ATRN: variants seen among roughly 807,000 people sequenced by gnomAD.
The protein encoded by ATRN is attractin-2.
In ATRN, 54 loss-of-function variants were observed where a neutral mutation model predicts 178.7. The observed-to-expected ratio is 0.30, with a 90% CI of 0.24 to 0.38. The LOEUF is 0.38. ATRN is among the 10% of genes least tolerant of loss of function. The pLI, the probability that ATRN is intolerant of heterozygous loss-of-function variation, is 1.00. For missense variants in ATRN, 1,443 were observed against 1,815.1 expected (o/e 0.79, Z 3.73); for synonymous variants, 636 against 663.0 (o/e 0.96, Z 0.63).
At chr20:3,527,890 G>A (rs1234341548) in intron 1 of ATRN, among the ~76,000 whole-genome samples, 1 of 151,590 alleles carries the variant, frequency 6.6e-6, no homozygotes, top group African/African-American at 2.4e-5. Flanking sequence ...AACACAGGGA[G>A]GGGAACATCG....
At chr20:3,567,142 A>G (rs1418342056) in intron 11 of ATRN, among the ~76,000 whole-genome samples, 2 of 152,178 alleles carry the variant, frequency 1.3e-5, no homozygotes, top group Non-Finnish European at 2.9e-5. Flanking sequence ...TATAAATCAT[A>G]ATCTTGAACT....
chr20:3,509,783 T>C (rs1404173192), intron 1 of ATRN, among the ~76,000 whole-genome samples: 2 of 152,142 alleles, frequency 1.3e-5, no homozygotes, highest in Non-Finnish European at 2.9e-5. Flanking sequence ...AGATTACAGG[T>C]GTGAGCCACC....
At chr20:3,604,059 GC>G (rs762178052) in intron 23 of ATRN, 45 bp from the exon 24 acceptor site, 10 of 1,512,782 alleles carry the variant, frequency 6.6e-6, no homozygotes, top group Non-Finnish European at 8.8e-6. Flanking sequence ...TCTCCCCCTA[GC>G]CCCCCAAAAA....
chr20:3,493,923 GTTACATGAA>G (rs1316487387), intron 1 of ATRN, among the ~76,000 whole-genome samples: 1 of 152,166 alleles, frequency 6.6e-6, no homozygotes, highest in African/African-American at 2.4e-5. Flanking sequence ...GGCAACAAAT[GTTACATGAA>G]TATCTATGAT....
At chr20:3,591,821 T>C (rs767834638) in intron 19 of ATRN, among the ~76,000 whole-genome samples, 5 of 152,180 alleles carry the variant, frequency 3.3e-5, no homozygotes, top group Non-Finnish European at 7.3e-5. Flanking sequence ...TCAGGAGGCC[T>C]TGGTGCCTGA....
At chr20:3,479,224 A>G (rs1441803444) in intron 1 of ATRN, among the ~76,000 whole-genome samples, 1 of 152,154 alleles carries the variant, frequency 6.6e-6, no homozygotes, top group African/African-American at 2.4e-5. Flanking sequence ...GTCATCTGCT[A>G]ATTCACTTCA....
At chr20:3,579,235 C>T (rs1479446941) in intron 15 of ATRN, among the ~76,000 whole-genome samples, 3 of 152,152 alleles carry the variant, frequency 2.0e-5, no homozygotes, top group African/African-American at 4.8e-5. Flanking sequence ...CCTGTAATCC[C>T]AGCACTTTGG....
In ATRN at chr20:3,632,333, G is replaced by A. The variant is rs766953116; in HGVS notation, c.3864-1978G>A. Among the ~76,000 whole-genome samples, 4 of 152,054 alleles carry A rather than the reference G, an allele frequency of 2.6e-5. No individual in the cohort carries two copies. The highest frequency in any genetic ancestry group is 5.9e-5 in the Non-Finnish European group (4 of 68,026). On this transcript the variant is annotated intron_variant, in intron 25 of 28. Transcript: ENST00000262919. This position sits in a 1 kb window ranked among gnomAD's most constrained non-coding sequence, Gnocchi z 4.2. Reference sequence around the variant, plus strand: ...ATCACAACACTCTGTTTAAAAACCTGCACTGGCTCTTTCCCAATGCCCTCA... The same window carrying A: ...ATCACAACACTCTGTTTAAAAACCTACACTGGCTCTTTCCCAATGCCCTCA...
chr20:3,626,848 T>C (rs886579109), intron 25 of ATRN, among the ~76,000 whole-genome samples: 1 of 149,494 alleles, frequency 6.7e-6, no homozygotes, highest in African/African-American at 2.5e-5. Flanking sequence ...AGTGTTGTGA[T>C]CTTGGCTCAC....
intron 1 of ATRN, among the ~76,000 whole-genome samples, chr20:3,471,882 T>G (rs2084432438): frequency 6.6e-6 from 1 of 152,194 alleles, no homozygotes; most frequent in Non-Finnish European, 1.5e-5. Flanking sequence ...CAGGTTTGCT[T>G]GAACACTTCC....
At chr20:3,604,066 A>C (rs752952552) in intron 23 of ATRN, 39 bp from the exon 24 acceptor site, 20 of 1,534,412 alleles carry the variant, frequency 1.3e-5, no homozygotes, top group East Asian at 1.1e-4. Context: ...CTAGCCCCCC[A>C]AAAAATGTCT....
chr20:3,555,193 C>A (rs1032047015), intron 6 of ATRN, among the ~76,000 whole-genome samples: 1 of 151,238 alleles, frequency 6.6e-6, no homozygotes, highest in Non-Finnish European at 1.5e-5. Flanking sequence ...TTAGTAGAGA[C>A]GGGGTTTCAC....
At chr20:3,513,913 A>G (rs1435343128) in intron 1 of ATRN, among the ~76,000 whole-genome samples, 4 of 152,186 alleles carry the variant, frequency 2.6e-5, no homozygotes, top group Non-Finnish European at 5.9e-5. Flanking sequence ...TTGGTGTATA[A>G]GAATGCTTGT....
intron 1 of ATRN, among the ~76,000 whole-genome samples, chr20:3,528,507 A>G (rs527335426): frequency 1.3e-5 from 2 of 152,166 alleles, no homozygotes; most frequent in African/African-American, 4.8e-5. Context: ...ACCAAATACC[A>G]CATACTCTCA....
At chr20:3,629,531 G>A (rs545402604) in intron 25 of ATRN, among the ~76,000 whole-genome samples, 1 of 152,156 alleles carries the variant, frequency 6.6e-6, no homozygotes, top group South Asian at 2.1e-4. Context: ...CACCAACTCA[G>A]TGTCTCACAG....
intron 6 of ATRN, among the ~76,000 whole-genome samples, chr20:3,551,313 A>G (rs1475695045): frequency 6.6e-6 from 1 of 152,164 alleles, no homozygotes; most frequent in Non-Finnish European, 1.5e-5. Flanking sequence ...CCTGGCCCCC[A>G]GCTGCTGACT....
chr20:3,485,610 GTTTTTTTTTT>G (rs3084238), intron 1 of ATRN, among the ~76,000 whole-genome samples: 21 of 67,920 alleles, frequency 3.1e-4, no homozygotes, highest in South Asian at 1.9e-3. Flanking sequence ...TTTTTTTGAG[GTTTTTTTTTT>G]TTTTTTTTTT....
chr20:3,576,021 G>T, intron 13 of ATRN, 73 bp downstream of exon 13: 1 of 1,456,642 alleles, frequency 6.9e-7, no homozygotes, highest in Non-Finnish European at 9.1e-7. Flanking sequence ...AGTGTATATG[G>T]TATAAATAAT....
At chr20:3,543,577 C>A (rs1443314471) in intron 3 of ATRN, among the ~76,000 whole-genome samples, 3 of 151,678 alleles carry the variant, frequency 2.0e-5, no homozygotes, top group African/African-American at 7.3e-5. Context: ...CAAAAAAAAT[C>A]ATCTGGGCAT....
Sources: gnomAD v4.1 joint callset for allele counts (sites outside exome capture counted in the v4.1 genomes callset) on GRCh38, gnomAD v4.1.1 for gene constraint, Gnocchi (gnomAD v3.1) non-coding constraint, MANE v1.5 for transcripts, NCBI Gene and HGNC (gene_info 2026-07-23, HGNC 2026-07-21) for gene names.